Variants in SMAD3 observed in about 807,000 individuals in gnomAD.
SMAD3 encodes the protein MAD homolog 3.
SMAD3 carries 12 observed loss-of-function variants against 51.8 expected under a neutral mutation model. The observed-to-expected ratio is 0.23, with a 90% CI of 0.15 to 0.38. The LOEUF is 0.38. Ranked by LOEUF, SMAD3 falls within the 10% of genes least tolerant of loss-of-function variation. The pLI is 1.00. For missense variants in SMAD3, 294 were observed against 565.6 expected, an observed-to-expected ratio of 0.52 and a Z score of 4.87; for synonymous variants, 238 against 227.7, an observed-to-expected ratio of 1.05 and a Z score of -0.41.
chr15:67,102,291 G>A (rs1044538711), intron 1 of SMAD3, among the ~76,000 whole-genome samples: 4 of 142,528 alleles, frequency 2.8e-5, no homozygotes, highest in Non-Finnish European at 3.2e-5. Context: ...GCATGCTCGC[G>A]TGCATGAGTT....
rs1445634647 is a variant in SMAD3 at position 67,113,961 on chromosome 15, A to G, written c.206+47601A>G. ...AATGTTTATTACATTCTTTGGCAGC[A>G]TTTCTGCCACCAGGTTGAGGTTAGT... On this transcript the variant is annotated intron_variant, in intron 1 of 8. Transcript: ENST00000327367. 2.6e-5 allele frequency among the ~76,000 whole-genome samples: 4 copies of G among 152,188 alleles called. No homozygotes were observed. In the South Asian group the frequency reaches 8.3e-4, roughly 31 times the overall value.
intron 1 of SMAD3, among the ~76,000 whole-genome samples, chr15:67,151,265 G>T (rs1015150572): frequency 2.6e-5 from 4 of 152,080 alleles, no homozygotes; most frequent in Non-Finnish European, 5.9e-5. Context: ...GGAGAAGAGG[G>T]TCTAAGATGA....
At chr15:67,145,481 A>G (rs1399044729) in intron 1 of SMAD3, among the ~76,000 whole-genome samples, 1 of 152,236 alleles carries the variant, frequency 6.6e-6, no homozygotes, top group Non-Finnish European at 1.5e-5. Context: ...ATTCTCCCAG[A>G]TGATGTTTCT....
At chr15:67,078,168 C>G (rs12901372) in intron 1 of SMAD3, 70,180 of 152,082 alleles carry the variant, frequency 0.46, 16,433 homozygotes, top group South Asian at 0.66. Context: ...GGCTCAGGGA[C>G]CCCAGGCGTT....
chr15:67,187,234 C>A, intron 7 of SMAD3, 131 bp from the exon 8 acceptor site: 1 of 1,097,236 alleles, frequency 9.1e-7, no homozygotes, highest in Non-Finnish European at 1.4e-6. Flanking sequence ...GCAAATGCAT[C>A]ACACACCATG....
rs56078733 is a variant in SMAD3 at position 67,113,078 on chromosome 15, A to G, written c.206+46718A>G. ...ACTTTTAAAATATATATATATGTGTATATATATATATATATATTTTTTTGA... is the reference window on the plus strand; with the variant it reads ...ACTTTTAAAATATATATATATGTGTGTATATATATATATATATTTTTTTGA... On this transcript the variant is annotated intron_variant, in intron 1 of 8. Transcript: ENST00000327367. Among the ~76,000 whole-genome samples the G allele has an allele frequency of 3.4e-4, 23 of 67,466 alleles. 8 individuals carry two copies. Among genetic ancestry groups the G allele is most frequent in the African/African-American group, 1.5e-3 (19 of 12,974 alleles). 44.3% of individuals were successfully genotyped at this position (67,466 alleles called of 152,430 possible).
intron 1 of SMAD3, among the ~76,000 whole-genome samples, chr15:67,161,794 G>C (rs1962438639): frequency 6.6e-6 from 1 of 152,130 alleles, no homozygotes; most frequent in Non-Finnish European, 1.5e-5. Flanking sequence ...CAGGAGGTCG[G>C]GGGGCAGAAT....
intron 5 of SMAD3, among the ~76,000 whole-genome samples, chr15:67,178,627 C>T (rs1164930641): frequency 6.6e-6 from 1 of 151,780 alleles, no homozygotes; most frequent in Non-Finnish European, 1.5e-5. Context: ...TGGCCAGCAG[C>T]ACTGATACAT....
intron 8 of SMAD3, among the ~76,000 whole-genome samples, chr15:67,188,779 G>A (rs770095174): frequency 1.3e-5 from 2 of 152,198 alleles, no homozygotes; most frequent in East Asian, 3.8e-4. Context: ...TTCAATATTG[G>A]CCTTGGGCCA....
At chr15:67,190,365 G>A (rs750201248) in intron 8 of SMAD3, 48 bp from the exon 9 acceptor site, 3 of 1,579,660 alleles carry the variant, frequency 1.9e-6, no homozygotes, top group Non-Finnish European at 2.6e-6. Context: ...GTAACCCCCT[G>A]GAGATTTTTT....
chr15:67,113,096 T>TATATATATATA (rs58255931), intron 1 of SMAD3, among the ~76,000 whole-genome samples: 17,858 of 86,598 alleles, frequency 0.21, 3,933 homozygotes, highest in South Asian at 0.35. Context: ...ATATATATAT[T>TATATATATATA]TTTTTGAGAC....
rs1961047635 is a variant in SMAD3 at position 67,112,838 on chromosome 15, C to A, written c.206+46478C>A. Reference sequence around the variant, plus strand: ...TTGTATAAGATGTGAGGTAGGGGTTCAACTTCATTCTTTTGCATGTGAATA... The same window carrying A: ...TTGTATAAGATGTGAGGTAGGGGTTAAACTTCATTCTTTTGCATGTGAATA... On this transcript the variant is annotated intron_variant, in intron 1 of 8. Coordinates refer to ENST00000327367, the MANE Select transcript of SMAD3 (RefSeq NM_005902.4). Among the ~76,000 whole-genome samples the A allele has an allele frequency of 3.1e-5, 4 of 130,906 alleles. 1 individual carries two copies. In the Admixed American group the frequency reaches 3.4e-4, roughly 11 times the overall value. 85.9% of individuals were successfully genotyped at this position (130,906 alleles called of 152,430 possible).
At position 67,098,750 on chromosome 15, in the gene SMAD3, C is replaced by T. The variant is rs1392104855; in HGVS notation, c.206+32390C>T. On this transcript the variant is annotated intron_variant, in intron 1 of 8. Coordinates refer to ENST00000327367, the MANE Select transcript of SMAD3 (RefSeq NM_005902.4). ...GGGAGGCTTGCTTTGGTTGTGGAGG[C>T]CTCCACAGCCCCCGGAAGGCAGGTG... The T allele has an allele frequency of 4.7e-6, 3 of 631,690 alleles. No homozygotes were observed. The African/African-American group carries it at 5.4e-5, about 11-fold the overall frequency. 39.1% of individuals were successfully genotyped at this position (631,690 alleles called of 1,614,324 possible).
chr15:67,148,871 C>A (rs1962049090), intron 1 of SMAD3, among the ~76,000 whole-genome samples: 1 of 152,204 alleles, frequency 6.6e-6, no homozygotes, highest in Non-Finnish European at 1.5e-5. Flanking sequence ...GCAAATGTGA[C>A]CTGCAAGCCC....
At position 67,168,397 on chromosome 15, in the gene SMAD3, G is replaced by T. The variant is rs937592827; in HGVS notation, c.607+1544G>T. Among the ~76,000 whole-genome samples the T allele has an allele frequency of 2.6e-5, 4 of 152,242 alleles. No homozygotes were observed. In the South Asian group the frequency reaches 8.3e-4, roughly 32 times the overall value. On this transcript the variant is annotated intron_variant, in intron 4 of 8. Transcript: ENST00000327367. ...ACTAGTAGCGCGAACCAGCTGGAAT[G>T]CATCGAAGACCTTCCTGTATCCGAT... is the stretch of plus-strand genomic sequence containing the variant.
At chr15:67,144,410 A>G (rs1407384336) in intron 1 of SMAD3, among the ~76,000 whole-genome samples, 1 of 152,046 alleles carries the variant, frequency 6.6e-6, no homozygotes, top group East Asian at 1.9e-4. Flanking sequence ...ATTTATTTTC[A>G]TTTTAAAAGT....
chr15:67,142,928 T>C (rs1360859430), intron 1 of SMAD3: 3 of 413,944 alleles, frequency 7.2e-6, no homozygotes, highest in Admixed American at 5.4e-5. Flanking sequence ...ACTCCTGGGT[T>C]GGAACATCCT....
At chr15:67,121,522 G>A (rs1448390030) in intron 1 of SMAD3, among the ~76,000 whole-genome samples, 1 of 152,236 alleles carries the variant, frequency 6.6e-6, no homozygotes, top group Non-Finnish European at 1.5e-5. Flanking sequence ...TTTTGTTGAA[G>A]AGAGAGCTTG....
chr15:67,113,472 A>G (rs1961069110), intron 1 of SMAD3, among the ~76,000 whole-genome samples: 2 of 152,192 alleles, frequency 1.3e-5, no homozygotes, highest in Non-Finnish European at 2.9e-5. Context: ...ACAATAGTAA[A>G]TACAAGTAAA....
Sources: gnomAD v4.1 joint callset for allele counts (sites outside exome capture counted in the v4.1 genomes callset) on GRCh38, gnomAD v4.1.1 for gene constraint, MANE v1.5 for transcripts, NCBI Gene and HGNC (gene_info 2026-07-23, HGNC 2026-07-21) for gene names.